Variants in HS6ST2 observed in about 807,000 individuals in gnomAD.
HS6ST2 encodes heparan sulfate 6-O-sulfotransferase 2.
Under a neutral mutation model 33.0 loss-of-function variants are expected in HS6ST2, and 17 were observed. The ratio of observed to expected loss-of-function variants is 0.52; its 90% CI spans 0.35 to 0.77. The LOEUF (loss-of-function observed/expected upper bound fraction) is 0.77, where lower values mean the gene tolerates loss of function less well. Ranked by LOEUF, HS6ST2 falls within the 30% of genes least tolerant of loss-of-function variation. The probability of loss-of-function intolerance (pLI) is 0.01; values close to 1 mark genes in which losing one functional copy is unlikely to be tolerated. For missense variants in HS6ST2, 519 were observed against 551.7 expected, an observed-to-expected ratio of 0.94 and a Z score of 0.59; for synonymous variants, 248 against 237.1, an observed-to-expected ratio of 1.05 and a Z score of -0.42.
intron 2 of HS6ST2, among the ~76,000 whole-genome samples, chrX:132,941,862 T>A (rs766830417): frequency 2.7e-5 from 3 of 111,429 alleles, no homozygotes; most frequent in South Asian, 3.8e-4. Flanking sequence ...AAAGCATAGA[T>A]CCTTACCTAA....
intron 2 of HS6ST2, among the ~76,000 whole-genome samples, chrX:132,827,167 C>T (rs1011174516): frequency 6.3e-5 from 7 of 111,335 alleles, no homozygotes; most frequent in African/African-American, 2.3e-4. Flanking sequence ...TTTACAAGGA[C>T]CATTTGTATC....
intron 2 of HS6ST2, among the ~76,000 whole-genome samples, chrX:132,808,306 C>T (rs1383072726): frequency 4.5e-5 from 5 of 111,716 alleles, no homozygotes; most frequent in African/African-American, 6.5e-5. Context: ...AAAAAGTGTC[C>T]AATTTGTTTT....
intron 2 of HS6ST2, among the ~76,000 whole-genome samples, chrX:132,856,433 G>A (rs561059921): frequency 8.9e-6 from 1 of 111,957 alleles, no homozygotes. Flanking sequence ...ATTCCCCACA[G>A]ATAAAGGGGG....
At chrX:132,800,261 G>A (rs1475369979) in intron 2 of HS6ST2, among the ~76,000 whole-genome samples, 2 of 111,599 alleles carry the variant, frequency 1.8e-5, no homozygotes, top group East Asian at 5.7e-4. Context: ...AACTGCACAT[G>A]TGAGGGATCT....
intron 4 of HS6ST2, among the ~76,000 whole-genome samples, chrX:132,644,497 A>G (rs1261738606): frequency 9.0e-6 from 1 of 111,198 alleles, no homozygotes; most frequent in Non-Finnish European, 1.9e-5. Context: ...CTAACTCCCA[A>G]TTCAGTGTTT....
intron 2 of HS6ST2, among the ~76,000 whole-genome samples, chrX:132,920,714 A>G (rs1272408475): frequency 8.9e-6 from 1 of 112,768 alleles, no homozygotes; most frequent in Non-Finnish European, 1.9e-5. Context: ...CCAAGAGCCA[A>G]TACTTTTGGC....
chrX:132,666,911 T>G (rs1485687145), intron 4 of HS6ST2, among the ~76,000 whole-genome samples: 1 of 111,010 alleles, frequency 9.0e-6, no homozygotes, highest in African/African-American at 3.3e-5. Context: ...GGGAAAAGCC[T>G]TGGGGTGGAG....
At chrX:132,657,976 G>A (rs781165019) in intron 4 of HS6ST2, among the ~76,000 whole-genome samples, 3 of 108,965 alleles carry the variant, frequency 2.8e-5, no homozygotes, top group Non-Finnish European at 5.7e-5. Flanking sequence ...ATTAAAGCCC[G>A]TGGAGCACAA....
At chrX:132,690,354 AAG>A (rs2064053301) in intron 3 of HS6ST2, among the ~76,000 whole-genome samples, 1 of 112,106 alleles carries the variant, frequency 8.9e-6, no homozygotes, top group Non-Finnish European at 1.9e-5. Context: ...AGGAAATGGA[AAG>A]AGTCTTCAAT....
At chrX:132,738,554 T>A (rs894433071) in intron 2 of HS6ST2, among the ~76,000 whole-genome samples, 2 of 112,917 alleles carry the variant, frequency 1.8e-5, no homozygotes, top group African/African-American at 6.4e-5. Context: ...GTAACTGCTA[T>A]GACATTGAAG....
chrX:132,728,252 C>T (rs2064416519), intron 2 of HS6ST2, among the ~76,000 whole-genome samples: 1 of 112,061 alleles, frequency 8.9e-6, no homozygotes, highest in Non-Finnish European at 1.9e-5. Flanking sequence ...ACATTCCCAC[C>T]AGCAATGGAC....
chrX:132,708,611 G>C, intron 2 of HS6ST2, 117 bp from the exon 3 acceptor site: 1 of 618,168 alleles, frequency 1.6e-6, no homozygotes, highest in Non-Finnish European at 2.6e-6. Context: ...CCAAACCTTA[G>C]GGAAACAGCT....
intron 2 of HS6ST2, among the ~76,000 whole-genome samples, chrX:132,787,186 T>TATATACAC (rs1257971724): frequency 1.3e-5 from 1 of 77,144 alleles, no homozygotes; most frequent in African/African-American, 5.9e-5. Flanking sequence ...TATATATATA[T>TATATACAC]ACATATATAT....
intron 2 of HS6ST2, among the ~76,000 whole-genome samples, chrX:132,942,372 C>T (rs941499870): frequency 8.9e-6 from 1 of 111,734 alleles, no homozygotes; most frequent in Non-Finnish European, 1.9e-5. Context: ...TTACCTCCAA[C>T]ATTAATAATG....
At chrX:132,851,779 C>T (rs753582040) in intron 2 of HS6ST2, among the ~76,000 whole-genome samples, 4 of 111,412 alleles carry the variant, frequency 3.6e-5, no homozygotes, top group Admixed American at 9.5e-5. Context: ...AATCTTTTTC[C>T]TTAGTATTTA....
In HS6ST2 at chrX:132,955,646, G is replaced by A. The variant is rs368642107; in HGVS notation, c.947+1162C>T. Among the ~76,000 whole-genome samples, 7 of 111,646 alleles carry A rather than the reference G, an allele frequency of 6.3e-5. No individual in the cohort carries two copies. The East Asian group carries it at 1.7e-3, about 27-fold the overall frequency. On this transcript the variant is annotated intron_variant, in intron 2 of 4. Transcript: ENST00000370833. Reference sequence around the variant, plus strand: ...GCCTCCAGGCCATGAAACTCACCTTGTGCACCCCCTGGACTCCCTGCTTCA... The same window carrying A: ...GCCTCCAGGCCATGAAACTCACCTTATGCACCCCCTGGACTCCCTGCTTCA...
chrX:132,883,026 G>C (rs2066197712), intron 2 of HS6ST2, among the ~76,000 whole-genome samples: 1 of 111,243 alleles, frequency 9.0e-6, no homozygotes, highest in African/African-American at 3.3e-5. Flanking sequence ...GATTCGGTTT[G>C]CCAGTATTTT....
intron 2 of HS6ST2, among the ~76,000 whole-genome samples, chrX:132,747,118 A>C (rs765088906): frequency 8.9e-6 from 1 of 112,116 alleles, no homozygotes; most frequent in Non-Finnish European, 1.9e-5. Context: ...AGATGAGTCA[A>C]CCATGACAGA....
intron 2 of HS6ST2, among the ~76,000 whole-genome samples, chrX:132,753,077 T>C (rs2064722935): frequency 9.0e-6 from 1 of 111,635 alleles, no homozygotes; most frequent in Admixed American, 9.5e-5. Context: ...ATAAAGCAGC[T>C]GCAGGAGAAG....
Sources: allele counts gnomAD v4.1 joint callset (sites outside exome capture counted in the v4.1 genomes callset), GRCh38; gene constraint gnomAD v4.1.1; transcripts MANE v1.5; gene names NCBI Gene and HGNC (gene_info 2026-07-23, HGNC 2026-07-21).